Variants in CEP192 observed in about 807,000 individuals in gnomAD.
CEP192 encodes centrosomal protein 192, also known as centrosomal protein of 192 kDa.
In CEP192, 151 loss-of-function variants were observed where a neutral mutation model predicts 271.8. That is an observed-to-expected ratio of 0.56 (90% CI 0.49 to 0.64). The LOEUF (loss-of-function observed/expected upper bound fraction) is 0.64, where lower values mean the gene tolerates loss of function less well. Ranked by LOEUF, CEP192 falls within the 30% of genes least tolerant of loss-of-function variation. The pLI is 0.00. For synonymous variants in CEP192, 995 were observed against 1,076.5 expected, an observed-to-expected ratio of 0.92 and a Z score of 1.48; for missense variants, 2,910 against 3,020.5, an observed-to-expected ratio of 0.96 and a Z score of 0.86.
At position 13,030,481 on chromosome 18, in the gene CEP192, G is replaced by C; in HGVS notation, c.1407G>C (p.Gln469His). 6.2e-7 allele frequency: 1 copy of C among 1,608,336 alleles called. No homozygotes were observed. ...EKNKDKTDLP[Q>H]SVVYQNEEGR... ...ATTTTTTAGAAACAGATCTCCCACA[G>C]AGTGTGGTCTATCAAAATGAAGAGG... The change falls in exon 11 of 45, where the codon CAG becomes CAC. Residue 469 changes from glutamine (Q) to histidine (H), a missense_variant. Gln to His is a conservative substitution (Grantham distance 24). Transcript: ENST00000506447.
intron 21 of CEP192, among the ~76,000 whole-genome samples, chr18:13,066,864 CT>C (rs1458280884): frequency 6.6e-6 from 1 of 152,056 alleles, no homozygotes; most frequent in East Asian, 1.9e-4. Flanking sequence ...GAACCCAGAC[CT>C]TTCTGGGCCA....
intron 20 of CEP192, chr18:13,058,459 A>T (rs1211554133): frequency 6.6e-6 from 1 of 152,466 alleles, no homozygotes; most frequent in Non-Finnish European, 1.5e-5. Context: ...GCCTCCCCCT[A>T]CGCCGTCTTG....
intron 9 of CEP192, among the ~76,000 whole-genome samples, chr18:13,026,146 G>A (rs1051460321): frequency 1.1e-4 from 16 of 152,144 alleles, no homozygotes; most frequent in Non-Finnish European, 1.5e-5. Flanking sequence ...GAAATTGATG[G>A]TTTCTTTCTT....
At chr18:13,097,453 A>AC (rs2039455478) in intron 36 of CEP192, among the ~76,000 whole-genome samples, 1 of 151,288 alleles carries the variant, frequency 6.6e-6, no homozygotes, top group African/African-American at 2.4e-5. Context: ...CATCTCCCCG[A>AC]CCCTTTTTTT....
rs1358014175 is a variant in CEP192 at position 13,057,244 on chromosome 18, G to GT, written c.4109-333dup. Among the ~76,000 whole-genome samples, 7 of 42,564 alleles carry GT rather than the reference G, an allele frequency of 1.6e-4. No homozygotes were observed. In the South Asian group the frequency reaches 4.0e-3, roughly 24 times the overall value. 27.9% of individuals were successfully genotyped at this position (42,564 alleles called of 152,430 possible). On this transcript the variant is annotated intron_variant, in intron 19 of 44. Transcript: ENST00000506447. ...ATCTGGAAAGTTAAAGCCTCTGGAGGTTTTTTTTGTTTGTTTTTTTTTTTA... is the reference window on the plus strand; with the variant it reads ...ATCTGGAAAGTTAAAGCCTCTGGAGGTTTTTTTTTGTTTGTTTTTTTTTTTA...
rs139218435 is a variant in CEP192 at position 13,009,549 on chromosome 18, C to T, written c.466+918C>T. Among the ~76,000 whole-genome samples the T allele has an allele frequency of 2.7e-3, 405 of 152,266 alleles. 3 individuals are homozygous for T. Among genetic ancestry groups the T allele is most frequent in the Non-Finnish European group, 2.8e-3 (188 of 68,014 alleles). Reference sequence around the variant, plus strand: ...GATAAGTCATTTGATAAATTGCCCTCGGGCCAGGCATGGTGGCTTACGCCT... The same window carrying T: ...GATAAGTCATTTGATAAATTGCCCTTGGGCCAGGCATGGTGGCTTACGCCT... On this transcript the variant is annotated intron_variant, in intron 4 of 44. Coordinates refer to ENST00000506447, the MANE Select transcript of CEP192 (RefSeq NM_032142.4).
At chr18:13,019,000 A>AT in intron 8 of CEP192, 82 bp from the exon 9 acceptor site, 1 of 1,328,174 alleles carries the variant, frequency 7.5e-7, no homozygotes, top group East Asian at 2.8e-5. Context: ...ACATAAAATA[A>AT]TTTGACTGGC....
chr18:12,992,377 C>T (rs1216214786), intron 1 of CEP192, among the ~76,000 whole-genome samples: 2 of 152,152 alleles, frequency 1.3e-5, no homozygotes, highest in Non-Finnish European at 2.9e-5. Context: ...ACGGCGTGTG[C>T]TTTTAAATGT....
At chr18:13,018,402 A>G (rs888277673) in intron 7 of CEP192, 78 bp from the exon 8 acceptor site, 1 of 893,408 alleles carries the variant, frequency 1.1e-6, no homozygotes, top group East Asian at 2.9e-5. Context: ...GGCATCCTTC[A>G]GTAAAGCCAC....
At chr18:13,062,954 A>T (rs1328044447) in intron 21 of CEP192, among the ~76,000 whole-genome samples, 3 of 152,158 alleles carry the variant, frequency 2.0e-5, no homozygotes, top group Admixed American at 2.0e-4. Context: ...GATTTTTAGA[A>T]ACCAGAAATA....
In CEP192 at chr18:13,017,330, TAGAC is replaced by T; in HGVS notation, c.786_789del (p.Ala264MetfsTer6). 1 of 1,537,276 alleles carries T rather than the reference TAGAC, an allele frequency of 6.5e-7. No individual in the cohort carries two copies. The highest frequency in any genetic ancestry group is 1.4e-5 in the African/African-American group (1 of 72,238). ...GTTTTAAGTTACCTACAAATGGTCT[TAGAC>T]AGGTGTGTTCCAGTCTTTATGATTT... On this transcript the variant is annotated frameshift_variant and splice_region_variant, in exon 7 of 45. Coordinates refer to ENST00000506447, the MANE Select transcript of CEP192 (RefSeq NM_032142.4). LOFTEE classifies it high-confidence loss of function.
chr18:13,103,548 T>C lies in CEP192; in HGVS notation c.6911T>C (p.Val2304Ala). 1 of 1,614,008 alleles carries C rather than the reference T, an allele frequency of 6.2e-7. No homozygotes were observed. Among genetic ancestry groups the C allele is most frequent in the Non-Finnish European group, 8.5e-7 (1 of 1,179,920 alleles). ...LELENHGTTD[V>A]KWHLSSLAPP... ...CTCGAGAATCATGGCACCACAGACGTGAAATGGCATCTGTCATCTTTAGCG... is the reference window on the plus strand; with the variant it reads ...CTCGAGAATCATGGCACCACAGACGCGAAATGGCATCTGTCATCTTTAGCG... The change falls in exon 39 of 45, where the codon GTG (valine) becomes GCG (alanine). Residue 2304 changes from valine to alanine, a missense_variant. Transcript: ENST00000506447.
chr18:13,004,270 ATGGT>A (rs1568264976), intron 3 of CEP192, among the ~76,000 whole-genome samples: 1 of 151,460 alleles, frequency 6.6e-6, no homozygotes, highest in Non-Finnish European at 1.5e-5. Context: ...TGACAGCTGG[ATGGT>A]TGTAGTGGGT....
At chr18:13,005,709 A>G (rs2033940176) in intron 3 of CEP192, among the ~76,000 whole-genome samples, 1 of 152,184 alleles carries the variant, frequency 6.6e-6, no homozygotes, top group Admixed American at 6.5e-5. Flanking sequence ...CTTGGACACT[A>G]TACTGGAGGG....
rs180878203 is a variant in CEP192, at chr18:13,058,732, C to T, written c.4258-350C>T. 4.5e-3 allele frequency: 951 copies of T among 211,788 alleles called. 8 individuals carry two copies. The highest frequency in any genetic ancestry group is 0.021 in the African/African-American group (908 of 43,350). The allele number at this position is 211,788 out of a possible 1,614,324, so 13.1% of individuals were successfully genotyped here. A position where few individuals can be genotyped will look rare whatever the true frequency, so the allele number is the denominator to read the frequency against. On this transcript the variant is annotated intron_variant, in intron 20 of 44. Coordinates refer to ENST00000506447, the MANE Select transcript of CEP192 (RefSeq NM_032142.4). ...CGGTTAGCCTGACTCTTCTTCCCCC[C>T]AGCCCCCACCCACTGCTGTGTTGTG...
intron 5 of CEP192, 77 bp downstream of exon 5, chr18:13,013,102 GTTAATA>G (rs1272109836): frequency 7.4e-6 from 5 of 674,560 alleles, no homozygotes; most frequent in South Asian, 2.0e-5. Context: ...ATATATAACT[GTTAATA>G]TTAGTTAGAT....
intron 34 of CEP192, among the ~76,000 whole-genome samples, chr18:13,094,631 A>G (rs956508000): frequency 6.6e-6 from 1 of 152,186 alleles, no homozygotes; most frequent in Non-Finnish European, 1.5e-5. Context: ...GAGAGTAGAG[A>G]ATGGTGTTAG....
At chr18:13,044,227 C>T (rs186335321) in intron 15 of CEP192, among the ~76,000 whole-genome samples, 6 of 152,222 alleles carry the variant, frequency 3.9e-5, no homozygotes, top group Admixed American at 2.6e-4. Context: ...GGATTTCCTG[C>T]ATACATAGTT....
Position 13,087,319 on chromosome 18 carries a change from T to C in CEP192, c.5877+42T>C, listed in dbSNP as rs1464924285. ...CTGTGCTAAAAACATCAACTCATTT[T>C]AAAATTGTTAATAATTATGTATTTT... On this transcript the variant is annotated intron_variant, in intron 31 of 44. Transcript: ENST00000506447. 3 of 1,490,918 alleles carry C rather than the reference T, an allele frequency of 2.0e-6. No individual in the cohort carries two copies. In the East Asian group the frequency reaches 6.8e-5, roughly 34 times the overall value. The allele number at this position is 1,490,918 out of a possible 1,614,324, so 92.4% of individuals were successfully genotyped here.
Sources: gnomAD v4.1 joint callset for allele counts (sites outside exome capture counted in the v4.1 genomes callset) on GRCh38, gnomAD v4.1.1 for gene constraint, MANE v1.5 for transcripts, NCBI Gene and HGNC (gene_info 2026-07-23, HGNC 2026-07-21) for gene names.